The following CRTC3 variants were observed in gnomAD, a reference collection of about 807,000 sequenced individuals.
CRTC3 encodes CREB regulated transcription coactivator 3.
A neutral mutation model predicts 74.5 loss-of-function variants in CRTC3; 26 were observed. The observed-to-expected ratio is 0.35, with a 90% CI of 0.26 to 0.48. The LOEUF (loss-of-function observed/expected upper bound fraction) is 0.48, where lower values mean the gene tolerates loss of function less well. Ranked by LOEUF, CRTC3 falls within the 20% of genes least tolerant of loss-of-function variation. The pLI is 0.99. For synonymous variants in CRTC3, 377 were observed against 325.8 expected (o/e 1.16, Z -1.69); for missense variants, 760 against 787.3 (o/e 0.97, Z 0.41).
At chr15:90,609,248 T>C (rs1215390889) in intron 6 of CRTC3, among the ~76,000 whole-genome samples, 8 of 152,168 alleles carry the variant, frequency 5.3e-5, no homozygotes, top group Non-Finnish European at 1.0e-4. Flanking sequence ...CTTCCATACA[T>C]GGGAATATGA....
chr15:90,532,703 T>C (rs1966646755), intron 1 of CRTC3, among the ~76,000 whole-genome samples: 1 of 152,168 alleles, frequency 6.6e-6, no homozygotes, highest in South Asian at 2.1e-4. Context: ...GCTTTAGAAG[T>C]CCGGCATTAT....
chr15:90,629,412 G>C lies in CRTC3; in HGVS notation c.1146G>C (p.Pro382=), dbSNP rs375644204. 1.2e-6 allele frequency: 2 copies of C among 1,613,874 alleles called. No homozygotes were observed. The highest frequency in any genetic ancestry group is 1.7e-5 in the Admixed American group (1 of 59,974). ...TTTCCACCACAAACCTGAGCGGCCC[G>C]TCTCGGCGTCGGCAGCCTCCCGTCA... ...PSLSTTNLSG[P]SRRRQPPVSP... is the part of the protein sequence containing the mutation. Residue 382 remains proline, a synonymous_variant, in exon 11 of 15, where the codon CCG becomes CCC. Transcript: ENST00000268184.
intron 11 of CRTC3, among the ~76,000 whole-genome samples, chr15:90,631,724 C>T (rs1370052077): frequency 1.6e-5 from 2 of 123,308 alleles, no homozygotes; most frequent in Non-Finnish European, 3.3e-5. Context: ...GTTACTCTGT[C>T]TCAAAAAAAA....
intron 9 of CRTC3, among the ~76,000 whole-genome samples, chr15:90,624,044 T>TATCA (rs1555452806): frequency 8.5e-5 from 13 of 152,218 alleles, no homozygotes; most frequent in East Asian, 3.9e-4. Context: ...CTCCAGGCTC[T>TATCA]ATCACTGCAC....
At chr15:90,542,532 C>A (rs1966819999) in intron 2 of CRTC3, among the ~76,000 whole-genome samples, 1 of 151,966 alleles carries the variant, frequency 6.6e-6, no homozygotes, top group Admixed American at 6.6e-5. Context: ...GCCCCATCAC[C>A]CCCTAATATT....
In CRTC3 at chr15:90,530,064, T is replaced by C; in HGVS notation, c.-8T>C. On this transcript the variant is annotated 5_prime_UTR_variant, in exon 1 of 15. Coordinates refer to ENST00000268184, the MANE Select transcript of CRTC3 (RefSeq NM_022769.5). This position sits in a 1 kb window ranked among gnomAD's most constrained non-coding sequence, Gnocchi z 6.2. Reference sequence around the variant, plus strand: ...GTCTCCCGCTTCTGCCCGCGCAGAGTCCGCGCCATGGCCGCCTCGCCGGGC... The same window carrying C: ...GTCTCCCGCTTCTGCCCGCGCAGAGCCCGCGCCATGGCCGCCTCGCCGGGC... 1 of 1,420,680 alleles carries C rather than the reference T, an allele frequency of 7.0e-7. No homozygotes were observed. The highest frequency in any genetic ancestry group is 9.3e-7 in the Non-Finnish European group (1 of 1,071,268). The allele number at this position is 1,420,680 out of a possible 1,614,324, so 88.0% of individuals were successfully genotyped here.
intron 2 of CRTC3, among the ~76,000 whole-genome samples, chr15:90,577,663 G>C (rs1048974919): frequency 1.3e-5 from 2 of 152,118 alleles, no homozygotes; most frequent in Admixed American, 6.5e-5. Flanking sequence ...AAAGAAAACA[G>C]GTTATGTATA....
At chr15:90,605,674 A>G (rs1033040312) in intron 5 of CRTC3, among the ~76,000 whole-genome samples, 4 of 152,106 alleles carry the variant, frequency 2.6e-5, no homozygotes, top group African/African-American at 9.7e-5. Flanking sequence ...TTTCTGTTGC[A>G]CTGTGGGTTC....
chr15:90,566,945 A>G (rs1270900442), intron 2 of CRTC3, among the ~76,000 whole-genome samples: 4 of 152,098 alleles, frequency 2.6e-5, no homozygotes. Flanking sequence ...TCCTGACCTC[A>G]GGTAACTCAC....
intron 2 of CRTC3, among the ~76,000 whole-genome samples, chr15:90,555,434 A>T (rs1479115732): frequency 2.6e-5 from 4 of 152,226 alleles, no homozygotes; most frequent in Non-Finnish European, 5.9e-5. Context: ...AGAAGCTCAT[A>T]ATCAAGTATG....
intron 2 of CRTC3, among the ~76,000 whole-genome samples, chr15:90,582,643 C>T (rs1351099329): frequency 6.6e-6 from 1 of 152,042 alleles, no homozygotes; most frequent in Non-Finnish European, 1.5e-5. Flanking sequence ...ATTAAGTATA[C>T]AAAAAAATAG....
At chr15:90,538,685 T>A (rs1362268462) in intron 1 of CRTC3, among the ~76,000 whole-genome samples, 2 of 152,160 alleles carry the variant, frequency 1.3e-5, no homozygotes, top group East Asian at 3.9e-4. Context: ...TCACATATAC[T>A]ATTTGAAATC....
intron 11 of CRTC3, among the ~76,000 whole-genome samples, chr15:90,630,966 A>G (rs1969017335): frequency 2.9e-5 from 1 of 34,278 alleles, no homozygotes; most frequent in African/African-American, 7.0e-5. Flanking sequence ...TTTAGTAGAG[A>G]CGGGGTTTCA....
chr15:90,639,572 C>G (rs1237450444), intron 13 of CRTC3, among the ~76,000 whole-genome samples: 1 of 150,716 alleles, frequency 6.6e-6, no homozygotes, highest in African/African-American at 2.4e-5. Flanking sequence ...GTCTCAGACT[C>G]CTGAGTAATT....
chr15:90,556,846 C>T (rs1280614871), intron 2 of CRTC3, among the ~76,000 whole-genome samples: 3 of 151,734 alleles, frequency 2.0e-5, no homozygotes, highest in Non-Finnish European at 4.4e-5. Context: ...TTTTCAATGA[C>T]TACTTTCTAA....
At chr15:90,639,157 G>A (rs1314498757) in intron 13 of CRTC3, among the ~76,000 whole-genome samples, 4 of 151,908 alleles carry the variant, frequency 2.6e-5, no homozygotes. Flanking sequence ...GGAGAGTGGC[G>A]CCTGCTCCCA....
intron 3 of CRTC3, chr15:90,598,770 G>A (rs578118690): frequency 2.9e-4 from 149 of 507,438 alleles, no homozygotes; most frequent in Non-Finnish European, 4.9e-4. Context: ...AGCTGGAGGT[G>A]TCGATTTATG....
chr15:90,573,576 A>C (rs928136633), intron 2 of CRTC3, among the ~76,000 whole-genome samples: 6 of 151,810 alleles, frequency 4.0e-5, no homozygotes, highest in Non-Finnish European at 8.8e-5. Flanking sequence ...TCTGTAGCTA[A>C]TCTATTGTCT....
chr15:90,533,949 G>C (rs992175649), intron 1 of CRTC3, among the ~76,000 whole-genome samples: 2 of 152,126 alleles, frequency 1.3e-5, no homozygotes, highest in African/African-American at 2.4e-5. Context: ...GAGGGGATGT[G>C]AGATGAGGCT....
Sources: allele counts gnomAD v4.1 joint callset (sites outside exome capture counted in the v4.1 genomes callset), GRCh38; gene constraint gnomAD v4.1.1; non-coding constraint Gnocchi (gnomAD v3.1); transcripts MANE v1.5; gene names NCBI Gene and HGNC (gene_info 2026-07-23, HGNC 2026-07-21).